The following CRYBG1 variants were observed in gnomAD, a reference collection of about 807,000 sequenced individuals.
CRYBG1 encodes the protein beta/gamma crystallin domain-containing protein 1.
A neutral mutation model predicts 189.2 loss-of-function variants in CRYBG1; 139 were observed. The ratio of observed to expected loss-of-function variants is 0.73; its 90% CI spans 0.64 to 0.85. CRYBG1 has a LOEUF of 0.85. Ranked by LOEUF, CRYBG1 falls within the 40% of genes least tolerant of loss-of-function variation. CRYBG1 has a pLI of 0.00. For missense variants in CRYBG1, 2,611 were observed against 2,675.8 expected (o/e 0.98, Z 0.53); for synonymous variants, 1,023 against 1,017.1 (o/e 1.01, Z -0.11).
chr6:106,567,239 G>A (rs930638920), intron 21 of CRYBG1, among the ~76,000 whole-genome samples: 1 of 152,120 alleles, frequency 6.6e-6, no homozygotes, highest in Non-Finnish European at 1.5e-5. Context: ...AGTATGCTGT[G>A]TGTCTCTGTC....
intron 2 of CRYBG1, among the ~76,000 whole-genome samples, chr6:106,494,455 C>T (rs552651618): frequency 5.9e-5 from 9 of 152,182 alleles, no homozygotes; most frequent in South Asian, 2.1e-4. Flanking sequence ...ATCAACAATA[C>T]GCTGACATGA....
At chr6:106,511,360 T>C in intron 2 of CRYBG1, 70 bp from the exon 3 acceptor site, 1 of 1,353,014 alleles carries the variant, frequency 7.4e-7, no homozygotes, top group Non-Finnish European at 9.8e-7. Context: ...CTGGTGGTTC[T>C]GTAATGTACG....
chr6:106,546,567 C>G (rs1472303417), intron 13 of CRYBG1, among the ~76,000 whole-genome samples: 1 of 152,198 alleles, frequency 6.6e-6, no homozygotes, highest in Non-Finnish European at 1.5e-5. Flanking sequence ...TCAACAAGTT[C>G]TTGTCTAGGC....
Position 106,384,881 on chromosome 6 carries a change from G to GGTTGGGGAGTAATGCTCAAACTCT in CRYBG1, c.173+23800_173+23801insGTTGGGGAGTAATGCTCAAACTCT, listed in dbSNP as rs1433243690. On this transcript the variant is annotated intron_variant, in intron 1 of 21. Transcript: ENST00000633556. Reference sequence around the variant, plus strand: ...TCTTCCCAGTTCAGGTGTCTTTTGTGTTTGGGGTGCAGTCTCTTTCAAAAT... The same window carrying GGTTGGGGAGTAATGCTCAAACTCT: ...TCTTCCCAGTTCAGGTGTCTTTTGTGGTTGGGGAGTAATGCTCAAACTCTTTTGGGGTGCAGTCTCTTTCAAAAT... 2.8e-5 allele frequency among the ~76,000 whole-genome samples: 4 copies of GGTTGGGGAGTAATGCTCAAACTCT among 143,774 alleles called. 1 individual carries two copies. Among genetic ancestry groups the GGTTGGGGAGTAATGCTCAAACTCT allele is most frequent in the Non-Finnish European group, 3.1e-5 (2 of 64,384 alleles). The allele number at this position is 143,774 out of a possible 152,430, so 94.3% of individuals were successfully genotyped here.
At chr6:106,539,787 C>G (rs1774088882) in intron 9 of CRYBG1, among the ~76,000 whole-genome samples, 1 of 150,804 alleles carries the variant, frequency 6.6e-6, no homozygotes. Flanking sequence ...GATGGGTGCG[C>G]AAAGCTTCAG....
intron 15 of CRYBG1, 117 bp from the exon 16 acceptor site, chr6:106,553,338 G>A (rs1203127097): frequency 1.2e-5 from 8 of 641,260 alleles, no homozygotes; most frequent in Admixed American, 2.9e-5. Context: ...TCTAAAATTC[G>A]TACCAGTTTA....
chr6:106,542,978 AT>A, intron 10 of CRYBG1, among the ~76,000 whole-genome samples: 1 of 29,682 alleles, frequency 3.4e-5, no homozygotes, highest in East Asian at 2.1e-3. Context: ...TGATTAGAAC[AT>A]TTTATTTTAT....
intron 2 of CRYBG1, 120 bp from the exon 3 acceptor site, chr6:106,511,310 A>G: frequency 1.1e-6 from 1 of 947,010 alleles, no homozygotes; most frequent in Non-Finnish European, 1.5e-6. Flanking sequence ...ACATAACTTT[A>G]TCATTTTCAA....
intron 2 of CRYBG1, among the ~76,000 whole-genome samples, chr6:106,465,868 T>C (rs1221833455): frequency 6.6e-6 from 1 of 152,238 alleles, no homozygotes; most frequent in Non-Finnish European, 1.5e-5. Context: ...CTGAGCAAGT[T>C]GCCCATCCCT....
chr6:106,438,668 T>A (rs970437645), intron 1 of CRYBG1, among the ~76,000 whole-genome samples: 3 of 152,170 alleles, frequency 2.0e-5, no homozygotes, highest in Non-Finnish European at 4.4e-5. Flanking sequence ...ATCAAAGTTT[T>A]TGCATGGTAT....
chr6:106,427,740 T>C (rs184643769), intron 1 of CRYBG1, among the ~76,000 whole-genome samples: 5 of 152,290 alleles, frequency 3.3e-5, no homozygotes, highest in Non-Finnish European at 5.9e-5. Flanking sequence ...GTGATGGTGT[T>C]TTCCCCCTGC....
At chr6:106,472,871 T>C (rs1161121826) in intron 2 of CRYBG1, among the ~76,000 whole-genome samples, 3 of 146,684 alleles carry the variant, frequency 2.0e-5, no homozygotes, top group Non-Finnish European at 3.0e-5. Context: ...GCCACTGCAC[T>C]CCAGGCTGGG....
chr6:106,565,180 G>A (rs1374675194), intron 21 of CRYBG1, among the ~76,000 whole-genome samples: 2 of 152,140 alleles, frequency 1.3e-5, no homozygotes, highest in East Asian at 3.9e-4. Flanking sequence ...AATTAGCTGG[G>A]TGTGGTGGTG....
At chr6:106,436,421 C>T (rs1354719129) in intron 1 of CRYBG1, among the ~76,000 whole-genome samples, 1 of 152,056 alleles carries the variant, frequency 6.6e-6, no homozygotes, top group Non-Finnish European at 1.5e-5. Context: ...GCCTCAGCCT[C>T]CCGAGTTGCT....
chr6:106,409,367 A>C (rs1244752283), intron 1 of CRYBG1, among the ~76,000 whole-genome samples: 1 of 152,214 alleles, frequency 6.6e-6, no homozygotes, highest in Non-Finnish European at 1.5e-5. Flanking sequence ...TCAAGGAAAT[A>C]AGAGAGGGCA....
chr6:106,521,166 T>A lies in CRYBG1; in HGVS notation c.3958T>A (p.Ser1320Thr). 6.2e-7 allele frequency: 1 copy of A among 1,614,106 alleles called. No individual in the cohort carries two copies. Among genetic ancestry groups the A allele is most frequent in the Non-Finnish European group, 8.5e-7 (1 of 1,180,018 alleles). ...KVFNFNSSSTSHSSLKSPSHM... is the reference protein window; with the variant it reads ...KVFNFNSSSTTHSSLKSPSHM... ...CTTCAATTTCAACTCGTCAAGTACA[T>A]CACACTCCAGTTTGAAAAGTCCAAG... Residue 1320 changes from serine to threonine, a missense_variant, in exon 4 of 22, where the codon TCA becomes ACA. By Grantham distance (58) the Ser-to-Thr change is moderately conservative (BLOSUM62 1). This residue lies in a region of CRYBG1 where 1,622 missense variants were observed against 1,735.0 expected (regional missense o/e 0.93). Transcript: ENST00000633556.
At chr6:106,554,393 C>T (rs1774484250) in intron 16 of CRYBG1, among the ~76,000 whole-genome samples, 1 of 152,186 alleles carries the variant, frequency 6.6e-6, no homozygotes, top group Non-Finnish European at 1.5e-5. Context: ...GCAGGCAGAT[C>T]ACTTGAGGTC....
intron 1 of CRYBG1, among the ~76,000 whole-genome samples, chr6:106,429,540 G>A (rs1212296653): frequency 6.6e-6 from 1 of 152,166 alleles, no homozygotes; most frequent in Non-Finnish European, 1.5e-5. Flanking sequence ...TTTATTTTTA[G>A]CTATTGCTGT....
At chr6:106,460,242 C>T (rs1426679178) in intron 2 of CRYBG1, among the ~76,000 whole-genome samples, 3 of 152,174 alleles carry the variant, frequency 2.0e-5, no homozygotes, top group Admixed American at 6.5e-5. Flanking sequence ...CCGCCCGCCT[C>T]TGCCTCCCAA....
Sources: gnomAD v4.1 joint callset for allele counts (sites outside exome capture counted in the v4.1 genomes callset) on GRCh38, gnomAD v4.1.1 for gene constraint, gnomAD v4.1.1 regional missense constraint, MANE v1.5 for transcripts, NCBI Gene and HGNC (gene_info 2026-07-23, HGNC 2026-07-21) for gene names.